The following BNC1 variants were observed in gnomAD, a reference collection of about 807,000 sequenced individuals.
The protein encoded by BNC1 is zinc finger protein basonuclin-1.
Under a neutral mutation model 66.5 loss-of-function variants are expected in BNC1, and 8 were observed. The ratio of observed to expected loss-of-function variants is 0.12; its 90% CI spans 0.07 to 0.22. The LOEUF (loss-of-function observed/expected upper bound fraction) is 0.22, where lower values mean the gene tolerates loss of function less well. Ranked by LOEUF, BNC1 falls within the 10% of genes least tolerant of loss-of-function variation. The probability of loss-of-function intolerance (pLI) is 1.00; values close to 1 mark genes in which losing one functional copy is unlikely to be tolerated. For missense variants in BNC1, 1,069 were observed against 1,241.3 expected (o/e 0.86, Z 2.09); for synonymous variants, 454 against 452.6 (o/e 1.00, Z -0.04).
Position 83,259,284 on chromosome 15 carries a change from G to A in BNC1, c.2301-1158C>T, listed in dbSNP as rs575489378. ...GGGGGTTACAATCTTAAAGGTGATAGGAGAATTATTCCAAATAGAGAAAAC... is the reference window on the plus strand; with the variant it reads ...GGGGGTTACAATCTTAAAGGTGATAAGAGAATTATTCCAAATAGAGAAAAC... On this transcript the variant is annotated intron_variant, in intron 4 of 4. Coordinates refer to ENST00000345382, the MANE Select transcript of BNC1 (RefSeq NM_001717.4). 1.1e-4 allele frequency among the ~76,000 whole-genome samples: 16 copies of A among 152,242 alleles called. No individual in the cohort carries two copies. The East Asian group carries it at 2.9e-3, about 28-fold the overall frequency.
chr15:83,279,677 T>C (rs2038359839), intron 1 of BNC1, among the ~76,000 whole-genome samples: 2 of 152,172 alleles, frequency 1.3e-5, no homozygotes, highest in Admixed American at 1.3e-4. Flanking sequence ...AGTCTCTTTA[T>C]TGGGTTCATA....
intron 1 of BNC1, among the ~76,000 whole-genome samples, chr15:83,271,602 T>C (rs895862900): frequency 5.9e-5 from 9 of 152,156 alleles, no homozygotes; most frequent in Non-Finnish European, 8.8e-5. Context: ...AAATTGGTCT[T>C]GGGGGGTGAA....
chr15:83,283,455 G>T, intron 1 of BNC1: 1 of 1,218,642 alleles, frequency 8.2e-7, no homozygotes, highest in East Asian at 3.8e-5. Context: ...GCACGGAACC[G>T]ACGGGGCGCT....
chr15:83,262,717 A>C (rs2067387477), intron 4 of BNC1, among the ~76,000 whole-genome samples: 1 of 152,194 alleles, frequency 6.6e-6, no homozygotes, highest in South Asian at 2.1e-4. Context: ...TTGAAATATG[A>C]AAATTCATAC....
chr15:83,280,793 G>T (rs920210777), intron 1 of BNC1, among the ~76,000 whole-genome samples: 1 of 152,166 alleles, frequency 6.6e-6, no homozygotes, highest in Non-Finnish European at 1.5e-5. Context: ...ATCTGTAGGA[G>T]ACCATCAAAC....
chr15:83,260,401 G>C (rs2038127946), intron 4 of BNC1, among the ~76,000 whole-genome samples: 1 of 151,896 alleles, frequency 6.6e-6, no homozygotes, highest in South Asian at 2.1e-4. Context: ...GATAAATTTT[G>C]ATAGATATAA....
At chr15:83,275,636 G>A (rs1365864733) in intron 1 of BNC1, among the ~76,000 whole-genome samples, 1 of 152,194 alleles carries the variant, frequency 6.6e-6, no homozygotes, top group Non-Finnish European at 1.5e-5. Flanking sequence ...TGAGTCCCAA[G>A]GCATGCCAAG....
In BNC1 at chr15:83,257,329, A is replaced by G. The variant is rs1015259237; in HGVS notation, c.*113T>C. 1.8e-5 allele frequency: 22 copies of G among 1,251,388 alleles called. No individual in the cohort carries two copies. The African/African-American group carries it at 3.3e-4, about 19-fold the overall frequency. 77.5% of individuals were successfully genotyped at this position (1,251,388 alleles called of 1,614,324 possible). A position where few individuals can be genotyped will look rare whatever the true frequency, so the allele number is the denominator to read the frequency against. On this transcript the variant is annotated 3_prime_UTR_variant, in exon 5 of 5. Coordinates refer to ENST00000345382, the MANE Select transcript of BNC1 (RefSeq NM_001717.4). ...TGTGGAAAACTATAAAGTCAAATCA[A>G]ATACTTTTGCCTGACTCGCCCCAAA...
Position 83,284,617 on chromosome 15 carries a change from G to A in BNC1, c.12C>T (p.Arg4=), listed in dbSNP as rs1277910462. ...CCCCGCGTCCGCCCCGGCTCGGCGG[G>A]CGCCGCCGCATCCACGCTCCGGCCG... MRR[R]PPSRGGRGAA... The change falls in exon 1 of 5, where the codon CGC becomes CGT. Residue 4 remains arginine, a synonymous_variant. Transcript: ENST00000345382. 20 of 999,696 alleles carry A rather than the reference G, an allele frequency of 2.0e-5. No homozygotes were observed. The South Asian group carries it at 8.1e-4, about 41-fold the overall frequency. The allele number at this position is 999,696 out of a possible 1,614,324, so 61.9% of individuals were successfully genotyped here. A position where few individuals can be genotyped will look rare whatever the true frequency, so the allele number is the denominator to read the frequency against.
At chr15:83,259,653 A>C (rs1426185613) in intron 4 of BNC1, among the ~76,000 whole-genome samples, 1 of 152,186 alleles carries the variant, frequency 6.6e-6, no homozygotes, top group Non-Finnish European at 1.5e-5. Flanking sequence ...CAGTACATAC[A>C]AGTGGTTAAA....
chr15:83,270,937 G>A (rs1281334939), intron 1 of BNC1, among the ~76,000 whole-genome samples: 3 of 152,114 alleles, frequency 2.0e-5, no homozygotes, highest in African/African-American at 7.2e-5. Flanking sequence ...TGTACACTCT[G>A]TAAGTTAATT....
rs191641929 is a variant in BNC1 at position 83,257,386 on chromosome 15, C to T, written c.*56G>A. The T allele has an allele frequency of 6.6e-7, 1 of 1,515,098 alleles. No homozygotes were observed. Among genetic ancestry groups the T allele is most frequent in the Non-Finnish European group, 8.9e-7 (1 of 1,117,916 alleles). 93.9% of individuals were successfully genotyped at this position (1,515,098 alleles called of 1,614,324 possible). A position where few individuals can be genotyped will look rare whatever the true frequency, so the allele number is the denominator to read the frequency against. ...GAAACAGAAACATTTCTATGGACTA[C>T]TTTATTCCTGAATTATGAAAAAAGC... On this transcript the variant is annotated 3_prime_UTR_variant, in exon 5 of 5. Coordinates refer to ENST00000345382, the MANE Select transcript of BNC1 (RefSeq NM_001717.4).
rs764082548 is a variant in BNC1 at position 83,263,222 on chromosome 15, G to A, written c.2029C>T (p.Arg677Cys). Residue 677 changes from arginine (R) to cysteine (C), a missense_variant, in exon 4 of 5, where the codon CGC becomes TGC. Around this residue, in one of 7 missense-constraint regions of BNC1, gnomAD observed 657 missense variants for 715.8 expected, o/e 0.92. Coordinates refer to ENST00000345382, the MANE Select transcript of BNC1 (RefSeq NM_001717.4). ...CTGAAGAGTCCCCCAGCCAGCAGGC[G>A]CTGCTGCAGTTCCATGTAGTCAGAA... ...PFSDYMELQQRLLAGGLFSAL... is the reference protein window; with the variant it reads ...PFSDYMELQQCLLAGGLFSAL... 4.3e-6 allele frequency: 7 copies of A among 1,614,170 alleles called. No individual in the cohort carries two copies. The highest frequency in any genetic ancestry group is 2.2e-5 in the South Asian group (2 of 91,084).
In BNC1 at chr15:83,266,830, C is replaced by T. The variant is rs2038222760; in HGVS notation, c.435+6G>A. ...CCTAGGAGGACAATGTTCATGTTTA[C>T]TGTACCTGCAGTACGTATCCACGGA... is the stretch of plus-strand genomic sequence containing the variant. On this transcript the variant is annotated splice_donor_region_variant and intron_variant, in intron 3 of 4. Transcript: ENST00000345382. 6.2e-7 allele frequency: 1 copy of T among 1,611,446 alleles called. No homozygotes were observed.
At chr15:83,278,772 G>C (rs1484061710) in intron 1 of BNC1, among the ~76,000 whole-genome samples, 1 of 152,110 alleles carries the variant, frequency 6.6e-6, no homozygotes, top group Non-Finnish European at 1.5e-5. Context: ...TGGTGTTCTT[G>C]ATAAAAAAGT....
intron 1 of BNC1, among the ~76,000 whole-genome samples, chr15:83,279,152 C>G (rs1320191620): frequency 1.3e-5 from 2 of 151,756 alleles, no homozygotes; most frequent in South Asian, 2.1e-4. Flanking sequence ...TAAAAAAGAG[C>G]CTTTGTATTT....
chr15:83,271,605 G>T (rs985079988), intron 1 of BNC1, among the ~76,000 whole-genome samples: 1 of 152,078 alleles, frequency 6.6e-6, no homozygotes, highest in Non-Finnish European at 1.5e-5. Context: ...TTGGTCTTGG[G>T]GGGTGAAAGA....
chr15:83,280,834 C>A (rs781128093), intron 1 of BNC1, among the ~76,000 whole-genome samples: 1 of 152,042 alleles, frequency 6.6e-6, no homozygotes, highest in Non-Finnish European at 1.5e-5. Flanking sequence ...ATGTTAGAAC[C>A]CTGAATTAAG....
Position 83,268,241 on chromosome 15 carries a change from G to C in BNC1, c.100-9C>G, listed in dbSNP as rs771811271. 4.3e-6 allele frequency: 7 copies of C among 1,609,956 alleles called. No homozygotes were observed. The highest frequency in any genetic ancestry group is 3.3e-5 in the Admixed American group (2 of 59,958). On this transcript the variant is annotated splice_polypyrimidine_tract_variant and intron_variant, in intron 1 of 4. Transcript: ENST00000345382. ...AGAGTACAGCTGATAGCCTGAAAAAGAGGAGAAAACAGGTATGTGGAGCAT... is the reference window on the plus strand; with the variant it reads ...AGAGTACAGCTGATAGCCTGAAAAACAGGAGAAAACAGGTATGTGGAGCAT...
Sources: gnomAD v4.1 joint callset for allele counts (sites outside exome capture counted in the v4.1 genomes callset) on GRCh38, gnomAD v4.1.1 for gene constraint, gnomAD v4.1.1 regional missense constraint, MANE v1.5 for transcripts, NCBI Gene and HGNC (gene_info 2026-07-23, HGNC 2026-07-21) for gene names.